Variants in GALNTL6 observed in about 807,000 individuals in gnomAD.
GALNTL6 encodes the protein polypeptide N-acetylgalactosaminyltransferase like 6, also known as polypeptide N-acetylgalactosaminyltransferase-like 6.
Under a neutral mutation model 73.7 loss-of-function variants are expected in GALNTL6, and 46 were observed. That is an observed-to-expected ratio of 0.62 (90% confidence interval 0.49 to 0.80). The LOEUF is 0.80. Among genes scored for constraint, GALNTL6 ranks in the 30% least tolerant of loss-of-function variants. The pLI, the probability that GALNTL6 is intolerant of heterozygous loss-of-function variation, is 0.00. For synonymous variants in GALNTL6, 259 were observed against 263.7 expected (o/e 0.98, Z 0.17); for missense variants, 604 against 755.0 (o/e 0.80, Z 2.34).
At chr4:172,210,239 A>G (rs1021712027) in intron 2 of GALNTL6, among the ~76,000 whole-genome samples, 3 of 152,106 alleles carry the variant, frequency 2.0e-5, no homozygotes, top group African/African-American at 4.8e-5. Context: ...AGCATTTCCT[A>G]TTATTAATAT....
At chr4:172,946,816 C>T (rs1190234411) in intron 9 of GALNTL6, among the ~76,000 whole-genome samples, 2 of 152,114 alleles carry the variant, frequency 1.3e-5, no homozygotes, top group Non-Finnish European at 2.9e-5. Context: ...GAAGATGCTC[C>T]AAACAACAGT....
chr4:172,788,853 T>C (rs1739831937), intron 5 of GALNTL6, among the ~76,000 whole-genome samples: 1 of 152,074 alleles, frequency 6.6e-6, no homozygotes, highest in African/African-American at 2.4e-5. Context: ...CCTCTAGGAC[T>C]AGATAAGTGT....
chr4:172,104,316 A>G (rs1732616216), intron 2 of GALNTL6, among the ~76,000 whole-genome samples: 2 of 152,152 alleles, frequency 1.3e-5, no homozygotes, highest in African/African-American at 4.8e-5. Flanking sequence ...ATTAATCCAG[A>G]GTTTAATGTC....
At chr4:172,241,900 C>T (rs1737446282) in intron 3 of GALNTL6, among the ~76,000 whole-genome samples, 1 of 152,240 alleles carries the variant, frequency 6.6e-6, no homozygotes, top group Non-Finnish European at 1.5e-5. Flanking sequence ...CTCAGCTGTA[C>T]ATTATCACAA....
intron 2 of GALNTL6, among the ~76,000 whole-genome samples, chr4:172,028,231 G>A (rs1301639624): frequency 6.6e-6 from 1 of 151,762 alleles, no homozygotes; most frequent in Non-Finnish European, 1.5e-5. Flanking sequence ...GAGATTGGGA[G>A]TAGTTACATC....
chr4:172,622,428 A>C (rs916410540), intron 5 of GALNTL6, among the ~76,000 whole-genome samples: 2 of 152,214 alleles, frequency 1.3e-5, no homozygotes, highest in Non-Finnish European at 2.9e-5. Context: ...CACATTAAAA[A>C]GACAAAGAGG....
intron 2 of GALNTL6, among the ~76,000 whole-genome samples, chr4:172,142,130 A>G (rs943822512): frequency 2.0e-5 from 3 of 152,078 alleles, no homozygotes; most frequent in Non-Finnish European, 4.4e-5. Context: ...TCTAAATTAT[A>G]GAAATAAATA....
At chr4:172,851,773 T>C (rs192840773) in intron 7 of GALNTL6, among the ~76,000 whole-genome samples, 10 of 152,300 alleles carry the variant, frequency 6.6e-5, no homozygotes, top group African/African-American at 1.2e-4. Flanking sequence ...TTCACCCACA[T>C]TGGCATCCAA....
intron 2 of GALNTL6, among the ~76,000 whole-genome samples, chr4:171,919,194 C>T (rs763056098): frequency 3.9e-5 from 6 of 152,202 alleles, no homozygotes; most frequent in South Asian, 4.1e-4. Context: ...CTTCCTTAAG[C>T]CCTGTGTGGT....
At chr4:172,639,266 C>A (rs1452371728) in intron 5 of GALNTL6, among the ~76,000 whole-genome samples, 3 of 152,138 alleles carry the variant, frequency 2.0e-5, no homozygotes, top group Non-Finnish European at 4.4e-5. Flanking sequence ...CCAAAACTCT[C>A]AACCCTACTG....
intron 2 of GALNTL6, among the ~76,000 whole-genome samples, chr4:171,818,016 T>A (rs1034802235): frequency 1.3e-5 from 2 of 151,648 alleles, no homozygotes; most frequent in African/African-American, 2.4e-5. Context: ...CTCCTTTATG[T>A]CATTTAGAAA....
intron 2 of GALNTL6, among the ~76,000 whole-genome samples, chr4:172,205,697 C>T (rs933318028): frequency 2.0e-5 from 3 of 151,780 alleles, no homozygotes; most frequent in Admixed American, 6.6e-5. Context: ...TGTTCTTTGC[C>T]TGGAAGTCTT....
intron 10 of GALNTL6, among the ~76,000 whole-genome samples, chr4:172,973,703 G>T (rs1304336987): frequency 1.3e-5 from 2 of 152,198 alleles, no homozygotes; most frequent in African/African-American, 2.4e-5. Flanking sequence ...ATGATAGTAA[G>T]TATTAAGTAG....
At chr4:172,892,263 A>T (rs1302428932) in intron 8 of GALNTL6, among the ~76,000 whole-genome samples, 2 of 152,170 alleles carry the variant, frequency 1.3e-5, no homozygotes, top group African/African-American at 4.8e-5. Flanking sequence ...GGAGGCTGGC[A>T]ATTCTTTTTC....
At chr4:171,886,286 C>T in intron 2 of GALNTL6, among the ~76,000 whole-genome samples, 1 of 152,084 alleles carries the variant, frequency 6.6e-6, no homozygotes, top group South Asian at 2.1e-4. Flanking sequence ...ACCTGTGCTG[C>T]CATTATATCA....
intron 5 of GALNTL6, among the ~76,000 whole-genome samples, chr4:172,478,940 T>C (rs1733340073): frequency 6.6e-6 from 1 of 152,074 alleles, no homozygotes; most frequent in Admixed American, 6.5e-5. Flanking sequence ...ATCAGGGAAA[T>C]GTAAATTAAA....
At chr4:172,112,541 C>T (rs1191380257) in intron 2 of GALNTL6, among the ~76,000 whole-genome samples, 1 of 152,022 alleles carries the variant, frequency 6.6e-6, no homozygotes, top group African/African-American at 2.4e-5. Flanking sequence ...TGTTGCTCCA[C>T]ATTCTTGTCA....
intron 2 of GALNTL6, among the ~76,000 whole-genome samples, chr4:172,215,592 A>G (rs1449068725): frequency 2.0e-5 from 3 of 152,042 alleles, no homozygotes; most frequent in Non-Finnish European, 2.9e-5. Context: ...TTTTACTTCT[A>G]TCCTATCCTA....
chr4:172,837,616 C>T (rs1934585789), intron 7 of GALNTL6, among the ~76,000 whole-genome samples: 2 of 152,150 alleles, frequency 1.3e-5, no homozygotes, highest in Non-Finnish European at 2.9e-5. Context: ...GAGAAAGCCT[C>T]CATTTTCAGC....
Sources: allele counts gnomAD v4.1 joint callset (sites outside exome capture counted in the v4.1 genomes callset), GRCh38; gene constraint gnomAD v4.1.1; transcripts MANE v1.5; gene names NCBI Gene and HGNC (gene_info 2026-07-23, HGNC 2026-07-21).